LRRC3B: variants seen among roughly 807,000 people sequenced by gnomAD.
The protein encoded by LRRC3B is leucine-rich repeat-containing protein 3B.
In LRRC3B, 2 loss-of-function variants were observed where a neutral mutation model predicts 12.8. The ratio of observed to expected loss-of-function variants is 0.16; its 90% CI spans 0.06 to 0.49. The LOEUF (loss-of-function observed/expected upper bound fraction) is 0.49, where lower values mean the gene tolerates loss of function less well. Among genes scored for constraint, LRRC3B ranks in the 20% least tolerant of loss-of-function variants. The probability of loss-of-function intolerance (pLI) is 0.96; values close to 1 mark genes in which losing one functional copy is unlikely to be tolerated. For synonymous variants in LRRC3B, 132 were observed against 122.0 expected (o/e 1.08, Z -0.54); for missense variants, 189 against 319.4 (o/e 0.59, Z 3.11).
intron 1 of LRRC3B, among the ~76,000 whole-genome samples, chr3:26,697,147 T>A (rs1210153334): frequency 6.6e-6 from 1 of 152,188 alleles, no homozygotes; most frequent in Non-Finnish European, 1.5e-5. Flanking sequence ...ATAGCTTCTG[T>A]AGCAAATTGC....
At chr3:26,626,871 A>C (rs1698637822) in intron 1 of LRRC3B, among the ~76,000 whole-genome samples, 1 of 152,218 alleles carries the variant, frequency 6.6e-6, no homozygotes, top group South Asian at 2.1e-4. Flanking sequence ...CTTCTGTTAG[A>C]TTGAGTTGCT....
At chr3:26,694,079 A>G (rs926181026) in intron 1 of LRRC3B, among the ~76,000 whole-genome samples, 1 of 152,220 alleles carries the variant, frequency 6.6e-6, no homozygotes, top group Non-Finnish European at 1.5e-5. Flanking sequence ...ACAGTGATCA[A>G]GTGCAACTAG....
At chr3:26,700,360 A>G (rs1479496457) in intron 1 of LRRC3B, among the ~76,000 whole-genome samples, 1 of 152,124 alleles carries the variant, frequency 6.6e-6, no homozygotes, top group Non-Finnish European at 1.5e-5. Flanking sequence ...TGGCCAGGAA[A>G]AGAGATATAG....
intron 1 of LRRC3B, among the ~76,000 whole-genome samples, chr3:26,690,773 C>G (rs923924084): frequency 6.6e-6 from 1 of 151,820 alleles, no homozygotes; most frequent in South Asian, 2.1e-4. Flanking sequence ...CATGTGATAA[C>G]AGAGAGGCAA....
chr3:26,668,693 A>C (rs947103797), intron 1 of LRRC3B, among the ~76,000 whole-genome samples: 15 of 152,192 alleles, frequency 9.9e-5, no homozygotes, highest in Non-Finnish European at 1.6e-4. Context: ...TTACTACAAA[A>C]GGGATAAATA....
At chr3:26,672,865 A>C (rs955654461) in intron 1 of LRRC3B, among the ~76,000 whole-genome samples, 1 of 152,230 alleles carries the variant, frequency 6.6e-6, no homozygotes, top group Non-Finnish European at 1.5e-5. Context: ...TTTAAGAGCC[A>C]CTTTTTTGAG....
chr3:26,661,798 T>A (rs1255984090), intron 1 of LRRC3B, among the ~76,000 whole-genome samples: 1 of 152,198 alleles, frequency 6.6e-6, no homozygotes, highest in Non-Finnish European at 1.5e-5. Context: ...TGATGCAGTT[T>A]CCATTAATTT....
intron 1 of LRRC3B, among the ~76,000 whole-genome samples, chr3:26,677,501 A>G (rs78303425): frequency 0.014 from 2,094 of 152,280 alleles, 43 homozygotes; most frequent in African/African-American, 0.048. Context: ...AAGGGCTGGC[A>G]GGCTTGTATG....
intron 1 of LRRC3B, among the ~76,000 whole-genome samples, chr3:26,656,373 G>A (rs1203377792): frequency 6.6e-6 from 1 of 152,126 alleles, no homozygotes; most frequent in African/African-American, 2.4e-5. Flanking sequence ...GGGAAGGTAG[G>A]TTTGCTCCCT....
At chr3:26,633,159 C>T (rs1206861902) in intron 1 of LRRC3B, among the ~76,000 whole-genome samples, 1 of 152,138 alleles carries the variant, frequency 6.6e-6, no homozygotes, top group Non-Finnish European at 1.5e-5. Flanking sequence ...CTCTCTTCTT[C>T]CTTTCTCTTC....
At chr3:26,659,365 C>G (rs1559357886) in intron 1 of LRRC3B, among the ~76,000 whole-genome samples, 1 of 152,178 alleles carries the variant, frequency 6.6e-6, no homozygotes, top group Admixed American at 6.5e-5. Context: ...TTGCATTTGT[C>G]CTTGAATAAG....
chr3:26,625,357 T>G (rs1371791199), intron 1 of LRRC3B: 1 of 152,212 alleles, frequency 6.6e-6, no homozygotes, highest in East Asian at 1.9e-4. Context: ...GCTAGCTCCC[T>G]GCCTAGCGGT....
intron 1 of LRRC3B, among the ~76,000 whole-genome samples, chr3:26,626,664 G>A (rs780850369): frequency 3.9e-5 from 6 of 152,040 alleles, no homozygotes; most frequent in East Asian, 1.9e-4. Context: ...GCTTATTTTC[G>A]TATAAATGCT....
At chr3:26,644,428 C>A (rs1330584859) in intron 1 of LRRC3B, among the ~76,000 whole-genome samples, 1 of 152,072 alleles carries the variant, frequency 6.6e-6, no homozygotes, top group Non-Finnish European at 1.5e-5. Flanking sequence ...TTGGTCATAC[C>A]TGGTACTTAG....
intron 1 of LRRC3B, among the ~76,000 whole-genome samples, chr3:26,678,003 G>A (rs1388708978): frequency 6.6e-6 from 1 of 151,888 alleles, no homozygotes; most frequent in Non-Finnish European, 1.5e-5. Flanking sequence ...TTTTTGTAGA[G>A]ACGAGATCTC....
At chr3:26,677,684 C>A (rs1001806336) in intron 1 of LRRC3B, among the ~76,000 whole-genome samples, 2 of 152,192 alleles carry the variant, frequency 1.3e-5, no homozygotes, top group Non-Finnish European at 2.9e-5. Context: ...ATAACACATT[C>A]TTATTTTCAA....
intron 1 of LRRC3B, among the ~76,000 whole-genome samples, chr3:26,642,798 C>A (rs990890563): frequency 6.6e-6 from 1 of 152,262 alleles, no homozygotes; most frequent in Non-Finnish European, 1.5e-5. Context: ...GGAGGCAGAT[C>A]ACGAAGTCAG....
At chr3:26,646,353 G>C (rs1029638448) in intron 1 of LRRC3B, among the ~76,000 whole-genome samples, 8 of 152,246 alleles carry the variant, frequency 5.3e-5, no homozygotes, top group Middle Eastern at 3.4e-3. Context: ...GTGAGAGAGA[G>C]AGTATTCAAA....
intron 1 of LRRC3B, among the ~76,000 whole-genome samples, chr3:26,676,092 A>ATTAT (rs1192209624): frequency 6.7e-6 from 1 of 150,342 alleles, no homozygotes; most frequent in African/African-American, 2.5e-5. Flanking sequence ...TTTTTTAATT[A>ATTAT]TTATTAATAC....
Sources: gnomAD v4.1 joint callset for allele counts (sites outside exome capture counted in the v4.1 genomes callset) on GRCh38, gnomAD v4.1.1 for gene constraint, MANE v1.5 for transcripts, NCBI Gene and HGNC (gene_info 2026-07-23, HGNC 2026-07-21) for gene names.